The following ATP2C1 variants were observed in gnomAD, a reference collection of about 807,000 sequenced individuals.
ATP2C1 encodes calcium-transporting ATPase type 2C member 1.
ATP2C1 carries 31 observed loss-of-function variants against 120.5 expected under a neutral mutation model. That is an observed-to-expected ratio of 0.26 (90% confidence interval 0.19 to 0.35). The LOEUF is 0.35. Ranked by LOEUF, ATP2C1 falls within the 10% of genes least tolerant of loss-of-function variation. The pLI, the probability that ATP2C1 is intolerant of heterozygous loss-of-function variation, is 1.00. For missense variants in ATP2C1, 731 were observed against 1,107.5 expected (o/e 0.66, Z 4.83); for synonymous variants, 351 against 358.7 (o/e 0.98, Z 0.24).
chr3:130,937,627 C>T (rs1219430358), intron 6 of ATP2C1, among the ~76,000 whole-genome samples, 164 bp downstream of exon 6: 1 of 152,122 alleles, frequency 6.6e-6, no homozygotes, highest in Non-Finnish European at 1.5e-5. Context: ...TTCAGGGAAG[C>T]TTGTGGTGTG....
At chr3:130,850,683 G>A in exon 1 of ATP2C1, 1 of 464,592 alleles carries the variant, frequency 2.2e-6, no homozygotes, top group Non-Finnish European at 3.8e-6. Flanking sequence ...ACAGCAAGGA[G>A]AACATTTGCT....
intron 2 of ATP2C1, among the ~76,000 whole-genome samples, chr3:130,909,609 G>T (rs755376823): frequency 4.6e-5 from 7 of 152,086 alleles, no homozygotes; most frequent in Non-Finnish European, 8.8e-5. Context: ...CTCAAGGTAT[G>T]GTTGGATTGT....
chr3:130,896,843 GA>G (rs1453584760), intron 2 of ATP2C1, among the ~76,000 whole-genome samples: 1 of 152,194 alleles, frequency 6.6e-6, no homozygotes, highest in Non-Finnish European at 1.5e-5. Flanking sequence ...TGTGAGGTAG[GA>G]ATGATAACGT....
rs2061183039 is a variant in ATP2C1, at chr3:130,969,140, A to G, written c.1309-152A>G. On this transcript the variant is annotated intron_variant, in intron 16 of 27. Transcript: ENST00000510168. Reference sequence around the variant, plus strand: ...GAAAATGTATGCTGATGTGTAGGGAAGTACAGTATATATAGATGGAGCATT... The same window carrying G: ...GAAAATGTATGCTGATGTGTAGGGAGGTACAGTATATATAGATGGAGCATT... 5 of 661,138 alleles carry G rather than the reference A, an allele frequency of 7.6e-6. No individual in the cohort carries two copies. In the Admixed American group the frequency reaches 8.6e-5, roughly 11 times the overall value. 41.0% of individuals were successfully genotyped at this position (661,138 alleles called of 1,614,324 possible).
At chr3:130,887,892 C>T (rs1343213208) in intron 1 of ATP2C1, among the ~76,000 whole-genome samples, 2 of 152,168 alleles carry the variant, frequency 1.3e-5, no homozygotes, top group Non-Finnish European at 2.9e-5. Context: ...TTTTCTCTAG[C>T]AAGAGGAGTC....
intron 1 of ATP2C1, among the ~76,000 whole-genome samples, chr3:130,859,209 T>C (rs189667341): frequency 1.5e-3 from 225 of 152,310 alleles, no homozygotes; most frequent in Middle Eastern, 3.4e-3. Context: ...ATTTGGTTAG[T>C]GGTAAATACT....
At chr3:130,922,315 T>A (rs1436328501) in intron 2 of ATP2C1, among the ~76,000 whole-genome samples, 1 of 152,222 alleles carries the variant, frequency 6.6e-6, no homozygotes, top group Non-Finnish European at 1.5e-5. Context: ...ATCTCCTGTT[T>A]CATTTCTAAT....
chr3:130,942,058 G>C (rs1326693664), intron 8 of ATP2C1, among the ~76,000 whole-genome samples: 3 of 152,158 alleles, frequency 2.0e-5, no homozygotes, highest in Non-Finnish European at 2.9e-5. Flanking sequence ...TCAAAGAATA[G>C]GATATAGACA....
Position 130,955,007 on chromosome 3 carries a change from C to T in ATP2C1, c.688-5C>T, listed in dbSNP as rs1011332138. The T allele has an allele frequency of 1.5e-5, 24 of 1,609,116 alleles. No individual in the cohort carries two copies. In the African/African-American group the frequency reaches 2.5e-4, roughly 17 times the overall value. On this transcript the variant is annotated splice_polypyrimidine_tract_variant and splice_region_variant and intron_variant, in intron 9 of 27. Coordinates refer to ENST00000510168, the MANE Select transcript of ATP2C1 (RefSeq NM_001378687.1). ...GTAAATGTATTTTCCTGTTTTTCCCCTTAGGGTGTTGTCATTGGAACAGGA... is the reference window on the plus strand; with the variant it reads ...GTAAATGTATTTTCCTGTTTTTCCCTTTAGGGTGTTGTCATTGGAACAGGA...
intron 12 of ATP2C1, among the ~76,000 whole-genome samples, chr3:130,962,040 G>A (rs1182556653): frequency 6.6e-6 from 1 of 152,028 alleles, no homozygotes; most frequent in Non-Finnish European, 1.5e-5. Flanking sequence ...CTATCATGTA[G>A]TAGTTTTCAG....
intron 1 of ATP2C1, among the ~76,000 whole-genome samples, chr3:130,874,061 G>T (rs940269533): frequency 3.3e-5 from 5 of 150,316 alleles, no homozygotes; most frequent in Middle Eastern, 3.4e-3. Flanking sequence ...AGTGAGCTGA[G>T]ATTACACCAC....
intron 1 of ATP2C1, among the ~76,000 whole-genome samples, chr3:130,875,867 AT>A (rs1335927124): frequency 2.0e-5 from 3 of 149,534 alleles, no homozygotes; most frequent in African/African-American, 4.9e-5. Flanking sequence ...TTCTCTGATG[AT>A]TAGTGATGTC....
intron 17 of ATP2C1, among the ~76,000 whole-genome samples, chr3:130,974,152 T>A (rs186155249): frequency 6.6e-6 from 1 of 152,314 alleles, no homozygotes; most frequent in African/African-American, 2.4e-5. Context: ...TTGAAGAGTT[T>A]AGGAAGAATG....
chr3:130,866,587 C>T (rs1208821237), intron 1 of ATP2C1, among the ~76,000 whole-genome samples: 1 of 150,510 alleles, frequency 6.6e-6, no homozygotes, highest in East Asian at 2.0e-4. Context: ...TCCATTATCA[C>T]TGAATTGCTA....
intron 18 of ATP2C1, among the ~76,000 whole-genome samples, chr3:130,977,215 C>G (rs556812084): frequency 6.6e-6 from 1 of 152,262 alleles, no homozygotes; most frequent in East Asian, 1.9e-4. Flanking sequence ...CCTGGGAAGA[C>G]TGTGGTGCAG....
intron 2 of ATP2C1, among the ~76,000 whole-genome samples, chr3:130,897,981 A>G (rs2069783036): frequency 6.6e-6 from 1 of 152,136 alleles, no homozygotes; most frequent in Admixed American, 6.5e-5. Flanking sequence ...CTCTTACCTG[A>G]TTTTTAAAAG....
chr3:130,989,946 A>G (rs1204455836), intron 20 of ATP2C1, among the ~76,000 whole-genome samples: 3 of 152,166 alleles, frequency 2.0e-5, no homozygotes, highest in African/African-American at 7.2e-5. Flanking sequence ...GAGTTTCTGA[A>G]TGGATTTTTG....
At chr3:131,016,241 T>G in exon 27 of ATP2C1, 1 of 1,614,172 alleles carries the variant, frequency 6.2e-7, no homozygotes, top group Middle Eastern at 1.6e-4. Flanking sequence ...ATGTGAGCTG[T>G]GTCTAAGTCC....
chr3:130,916,665 G>A (rs1435165592), intron 2 of ATP2C1, among the ~76,000 whole-genome samples: 12 of 152,114 alleles, frequency 7.9e-5, no homozygotes, highest in Admixed American at 6.5e-4. Context: ...GATTAATGAA[G>A]TGGAGGACTG....
Sources: gnomAD v4.1 joint callset for allele counts (sites outside exome capture counted in the v4.1 genomes callset) on GRCh38, gnomAD v4.1.1 for gene constraint, MANE v1.5 for transcripts, NCBI Gene and HGNC (gene_info 2026-07-23, HGNC 2026-07-21) for gene names.